The following BNC2 variants were observed in gnomAD, a reference collection of about 807,000 sequenced individuals.
The protein encoded by BNC2 is basonuclin zinc finger protein 2, also known as zinc finger protein basonuclin-2.
Under a neutral mutation model 76.3 loss-of-function variants are expected in BNC2, and 20 were observed. The observed-to-expected ratio is 0.26, with a 90% CI of 0.18 to 0.38. The LOEUF (loss-of-function observed/expected upper bound fraction) is 0.38, where lower values mean the gene tolerates loss of function less well. BNC2 is among the 10% of genes least tolerant of loss of function. The probability of loss-of-function intolerance (pLI) is 1.00; values close to 1 mark genes in which losing one functional copy is unlikely to be tolerated. For synonymous variants in BNC2, 582 were observed against 514.8 expected (o/e 1.13, Z -1.77); for missense variants, 1,382 against 1,399.8 (o/e 0.99, Z 0.20).
chr9:16,684,964 C>T (rs762200198), intron 3 of BNC2, among the ~76,000 whole-genome samples: 13 of 151,964 alleles, frequency 8.6e-5, no homozygotes, highest in African/African-American at 1.9e-4. Context: ...TATCTTCCAA[C>T]GCATGAAGAC....
chr9:16,744,415 T>C (rs746625282), intron 1 of BNC2, among the ~76,000 whole-genome samples: 1 of 152,170 alleles, frequency 6.6e-6, no homozygotes, highest in Non-Finnish European at 1.5e-5. Flanking sequence ...AATGTAAAAA[T>C]ATAGGAGAAG....
chr9:16,606,101 G>T (rs2133363583), intron 3 of BNC2, among the ~76,000 whole-genome samples: 1 of 152,174 alleles, frequency 6.6e-6, no homozygotes, highest in East Asian at 1.9e-4. Flanking sequence ...GAAAATAAGG[G>T]CTTACAATTT....
intron 5 of BNC2, among the ~76,000 whole-genome samples, chr9:16,519,993 G>C (rs60889821): frequency 2.0e-5 from 3 of 152,050 alleles, no homozygotes; most frequent in Admixed American, 2.0e-4. Context: ...AGAATCCAAG[G>C]ACCAAATCAA....
At chr9:16,840,900 A>G (rs1230594721) in intron 1 of BNC2, among the ~76,000 whole-genome samples, 1 of 152,214 alleles carries the variant, frequency 6.6e-6, no homozygotes, top group African/African-American at 2.4e-5. Context: ...ACTCCACAAT[A>G]AACAGGCCTA....
At chr9:16,696,058 T>C (rs1823329077) in intron 3 of BNC2, among the ~76,000 whole-genome samples, 1 of 152,086 alleles carries the variant, frequency 6.6e-6, no homozygotes, top group African/African-American at 2.4e-5. Context: ...CCCTCAGCTG[T>C]CCCCCACACA....
At chr9:16,532,438 C>T (rs1475660385) in intron 5 of BNC2, among the ~76,000 whole-genome samples, 1 of 152,032 alleles carries the variant, frequency 6.6e-6, no homozygotes, top group Non-Finnish European at 1.5e-5. Flanking sequence ...TCCCTGGGCA[C>T]GCAGACACAA....
intron 5 of BNC2, among the ~76,000 whole-genome samples, chr9:16,484,894 G>A (rs964167657): frequency 2.0e-5 from 3 of 152,252 alleles, no homozygotes; most frequent in African/African-American, 7.2e-5. Flanking sequence ...TTACTAATAG[G>A]CATTGTTTTA....
chr9:16,663,564 T>C (rs1413661075), intron 3 of BNC2, among the ~76,000 whole-genome samples: 1 of 152,222 alleles, frequency 6.6e-6, no homozygotes. Context: ...TATGATATTC[T>C]TGGTACTAAT....
At chr9:16,642,054 T>G (rs181128862) in intron 3 of BNC2, among the ~76,000 whole-genome samples, 20 of 152,306 alleles carry the variant, frequency 1.3e-4, no homozygotes, top group Non-Finnish European at 2.6e-4. Context: ...ATCATCTGAT[T>G]TACCATCATG....
At position 16,414,934 on chromosome 9, in the gene BNC2, T is replaced by C. The variant is rs1820552786; in HGVS notation, c.*4055A>G. ...ATATTCAAAGTTTTTTTTTTTTTTT[T>C]TTCCTTAGAGCAATGTATAATAATG... On this transcript the variant is annotated 3_prime_UTR_variant, in exon 7 of 7. Transcript: ENST00000380672. The C allele has an allele frequency of 1.3e-5, 2 of 151,718 alleles. No individual in the cohort carries two copies. The highest frequency in any genetic ancestry group is 4.2e-4 in the South Asian group (2 of 4,786). 9.4% of individuals were successfully genotyped at this position (151,718 alleles called of 1,614,324 possible). A position where few individuals can be genotyped will look rare whatever the true frequency, so the allele number is the denominator to read the frequency against.
intron 5 of BNC2, among the ~76,000 whole-genome samples, chr9:16,535,082 A>G (rs1385576549): frequency 6.6e-6 from 1 of 152,198 alleles, no homozygotes; most frequent in East Asian, 1.9e-4. Context: ...AATAATCTTC[A>G]TCACCTATAA....
At chr9:16,772,561 G>C (rs1825859879) in intron 1 of BNC2, among the ~76,000 whole-genome samples, 1 of 151,976 alleles carries the variant, frequency 6.6e-6, no homozygotes, top group African/African-American at 2.4e-5. Context: ...TATGAAGTTG[G>C]CTAAAACCTA....
intron 3 of BNC2, among the ~76,000 whole-genome samples, chr9:16,656,083 C>G (rs1273181615): frequency 6.6e-6 from 1 of 152,182 alleles, no homozygotes; most frequent in Non-Finnish European, 1.5e-5. Flanking sequence ...GTGTGGAGGA[C>G]AGTTACTGGT....
At chr9:16,652,761 T>C (rs935078848) in intron 3 of BNC2, among the ~76,000 whole-genome samples, 1 of 152,162 alleles carries the variant, frequency 6.6e-6, no homozygotes, top group Non-Finnish European at 1.5e-5. Context: ...AAGTTGTGCA[T>C]GCAACAACAT....
At chr9:16,707,921 T>G (rs1051869595) in intron 3 of BNC2, among the ~76,000 whole-genome samples, 7 of 152,160 alleles carry the variant, frequency 4.6e-5, no homozygotes, top group African/African-American at 7.2e-5. Flanking sequence ...GGATTACAGG[T>G]GTGAGCCACC....
intron 3 of BNC2, among the ~76,000 whole-genome samples, chr9:16,695,412 T>C (rs762371222): frequency 2.0e-5 from 3 of 152,152 alleles, no homozygotes; most frequent in Admixed American, 6.5e-5. Flanking sequence ...TTCAGTTTAC[T>C]TCTGAATATC....
At chr9:16,637,634 G>A (rs1050753420) in intron 3 of BNC2, among the ~76,000 whole-genome samples, 2 of 152,094 alleles carry the variant, frequency 1.3e-5, no homozygotes, top group African/African-American at 4.8e-5. Flanking sequence ...AGCAAAAACA[G>A]TAACTTTTCT....
At chr9:16,712,031 T>C (rs10738450) in intron 3 of BNC2, among the ~76,000 whole-genome samples, 133,151 of 152,150 alleles carry the variant, frequency 0.88, 58,632 homozygotes, top group Non-Finnish European at 0.93. Context: ...AAGTCACAAA[T>C]ACCTTAGCAC....
chr9:16,507,250 CTTTTTTTTTTTTTT>C (rs36072200), intron 5 of BNC2, among the ~76,000 whole-genome samples: 1 of 83,188 alleles, frequency 1.2e-5, no homozygotes, highest in South Asian at 4.7e-4. Context: ...TGTCCATTTG[CTTTTTTTTTTTTTT>C]TTTTTTTTTT....
Sources: allele counts gnomAD v4.1 joint callset (sites outside exome capture counted in the v4.1 genomes callset), GRCh38; gene constraint gnomAD v4.1.1; transcripts MANE v1.5; gene names NCBI Gene and HGNC (gene_info 2026-07-23, HGNC 2026-07-21).